TRPM7: variants seen among roughly 807,000 people sequenced by gnomAD.
TRPM7 encodes transient receptor potential cation channel subfamily M member 7, also known as LTRPC ion channel family member 7.
Under a neutral mutation model 229.7 loss-of-function variants are expected in TRPM7, and 134 were observed. The observed-to-expected ratio is 0.58, with a 90% CI of 0.51 to 0.67. The LOEUF (loss-of-function observed/expected upper bound fraction) is 0.67. Among genes scored for constraint, TRPM7 ranks in the 30% least tolerant of loss-of-function variants. The pLI is 0.00. For synonymous variants in TRPM7, 699 were observed against 715.2 expected (o/e 0.98, Z 0.36); for missense variants, 1,901 against 2,210.0 (o/e 0.86, Z 2.80).
chr15:50,631,153 C>G (rs564734215), intron 10 of TRPM7, among the ~76,000 whole-genome samples: 1 of 152,130 alleles, frequency 6.6e-6, no homozygotes, highest in Admixed American at 6.6e-5. Context: ...CTTAATAGGA[C>G]TATTAAATAG....
intron 13 of TRPM7, among the ~76,000 whole-genome samples, chr15:50,619,402 C>T (rs947679358): frequency 2.0e-5 from 3 of 151,618 alleles, no homozygotes; most frequent in East Asian, 1.9e-4. Flanking sequence ...TTTAACTTTT[C>T]GTAGCGATGG....
intron 28 of TRPM7, 105 bp downstream of exon 28, chr15:50,586,287 T>C (rs921329966): frequency 3.1e-6 from 2 of 653,656 alleles, no homozygotes; most frequent in Non-Finnish European, 5.1e-6. Flanking sequence ...TTTCGTCTTC[T>C]GACTCCTGCA....
intron 1 of TRPM7, among the ~76,000 whole-genome samples, chr15:50,673,298 G>A (rs768361902): frequency 6.6e-6 from 1 of 151,990 alleles, no homozygotes; most frequent in Non-Finnish European, 1.5e-5. Context: ...TAGGTTATTG[G>A]AAACAGGTAG....
chr15:50,570,247 T>C (rs2053810566), intron 36 of TRPM7, 92 bp from the exon 37 acceptor site: 8 of 884,092 alleles, frequency 9.0e-6, no homozygotes, highest in Middle Eastern at 3.4e-4. Context: ...TCTTAAGAGA[T>C]GTTATAGTAT....
At chr15:50,564,874 G>C (rs2053523921) in intron 38 of TRPM7, among the ~76,000 whole-genome samples, 1 of 152,032 alleles carries the variant, frequency 6.6e-6, no homozygotes, top group Non-Finnish European at 1.5e-5. Flanking sequence ...ACTGTACAAA[G>C]AACAGTGGAG....
intron 4 of TRPM7, among the ~76,000 whole-genome samples, chr15:50,646,321 G>A (rs2061263603): frequency 6.6e-6 from 1 of 152,226 alleles, no homozygotes; most frequent in Non-Finnish European, 1.5e-5. Context: ...TGGCTCTGTT[G>A]CCCAGGCTAG....
intron 16 of TRPM7, among the ~76,000 whole-genome samples, chr15:50,611,674 T>C (rs2060066227): frequency 6.6e-6 from 1 of 152,144 alleles, no homozygotes; most frequent in Non-Finnish European, 1.5e-5. Context: ...TGGTACCTGG[T>C]AGAGAGGAAA....
intron 33 of TRPM7, 58 bp downstream of exon 33, chr15:50,575,666 C>T: frequency 6.9e-7 from 1 of 1,445,364 alleles, no homozygotes; most frequent in Admixed American, 1.9e-5. Context: ...TATATTATAG[C>T]TAAAAATCAT....
rs749816090 is a variant in TRPM7 at position 50,613,854 on chromosome 15, T to C, written c.1636-13A>G. 1.9e-6 allele frequency: 3 copies of C among 1,603,080 alleles called. No individual in the cohort carries two copies. Among genetic ancestry groups the C allele is most frequent in the Non-Finnish European group, 2.5e-6 (3 of 1,177,488 alleles). ...TTCGGCCAGACCTCTGAAAATGAGATCTTATTAGCTTTTATAGATTTAAAC... is the reference window on the plus strand; with the variant it reads ...TTCGGCCAGACCTCTGAAAATGAGACCTTATTAGCTTTTATAGATTTAAAC... On this transcript the variant is annotated splice_polypyrimidine_tract_variant and intron_variant, in intron 14 of 38. Coordinates refer to ENST00000646667, the MANE Select transcript of TRPM7 (RefSeq NM_017672.6).
chr15:50,599,350 A>G, intron 21 of TRPM7, 54 bp from the exon 22 acceptor site: 1 of 1,335,886 alleles, frequency 7.5e-7, no homozygotes, highest in Non-Finnish European at 1.0e-6. Flanking sequence ...ACTATGACAA[A>G]TCTTTCTAAA....
At chr15:50,636,605 G>A (rs980903148) in intron 7 of TRPM7, among the ~76,000 whole-genome samples, 1 of 151,922 alleles carries the variant, frequency 6.6e-6, no homozygotes, top group African/African-American at 2.4e-5. Context: ...GGGTCCTTAG[G>A]TTACAAATTT....
intron 11 of TRPM7, among the ~76,000 whole-genome samples, chr15:50,627,583 C>A (rs1176171373): frequency 2.6e-5 from 4 of 152,156 alleles, no homozygotes; most frequent in African/African-American, 9.7e-5. Context: ...GAATGTGATT[C>A]ATCTCCTGTC....
At position 50,631,412 on chromosome 15, in the gene TRPM7, C is replaced by T; in HGVS notation, c.1204+5G>A. ...TTACAAATAAAAAAGTTCTTAGAGG[C>T]TTACCTTTTAGCAGTGCAGTAAGTA... On this transcript the variant is annotated splice_donor_5th_base_variant and intron_variant, in intron 10 of 38. Transcript: ENST00000646667. 6.3e-7 allele frequency: 1 copy of T among 1,596,606 alleles called. No homozygotes were observed. The highest frequency in any genetic ancestry group is 1.3e-5 in the African/African-American group (1 of 74,436).
chr15:50,609,779 T>A (rs780506498), intron 18 of TRPM7, 27 bp downstream of exon 18: 10 of 1,600,190 alleles, frequency 6.2e-6, no homozygotes, highest in Non-Finnish European at 8.5e-6. Context: ...CAAACTTATA[T>A]TTACTTTAAA....
In TRPM7 at chr15:50,639,194, T is replaced by G. The variant is rs151138031; in HGVS notation, c.660+230A>C. Among the ~76,000 whole-genome samples, 13 of 152,282 alleles carry G rather than the reference T, an allele frequency of 8.5e-5. No homozygotes were observed. The East Asian group carries it at 2.5e-3, about 29-fold the overall frequency. On this transcript the variant is annotated intron_variant, in intron 6 of 38. Coordinates refer to ENST00000646667, the MANE Select transcript of TRPM7 (RefSeq NM_017672.6). Reference sequence around the variant, plus strand: ...TACACATAAAAGACTGAAAGCAAAATGTGCCAACACTGTAACAGCATTTAT... The same window carrying G: ...TACACATAAAAGACTGAAAGCAAAAGGTGCCAACACTGTAACAGCATTTAT...
chr15:50,654,864 G>A (rs2061515520), intron 3 of TRPM7, among the ~76,000 whole-genome samples: 2 of 149,932 alleles, frequency 1.3e-5, no homozygotes, highest in Admixed American at 6.6e-5. Flanking sequence ...ACCCGGGTGT[G>A]GCAGCAGGCA....
At chr15:50,682,467 A>T (rs2140988726) in intron 1 of TRPM7, among the ~76,000 whole-genome samples, 1 of 151,788 alleles carries the variant, frequency 6.6e-6, no homozygotes, top group African/African-American at 2.4e-5. Context: ...AATCCCAGCT[A>T]CTAGAGGCTG....
At chr15:50,619,849 T>A (rs748275568) in intron 12 of TRPM7, 51 bp from the exon 13 acceptor site, 1 of 1,480,046 alleles carries the variant, frequency 6.8e-7, no homozygotes, top group Non-Finnish European at 9.3e-7. Flanking sequence ...CTAAACTAAT[T>A]TAAACCTTAC....
rs745945092 is a variant in TRPM7 at position 50,686,759 on chromosome 15, G to A, written c.-226C>T. On this transcript the variant is annotated 5_prime_UTR_variant, in exon 1 of 39. Transcript: ENST00000646667. Reference sequence around the variant, plus strand: ...CCTCCGGGTGACTGGCCACAGGGACGCGCCCGCGCCCGCCTCCGCCGGCGA... The same window carrying A: ...CCTCCGGGTGACTGGCCACAGGGACACGCCCGCGCCCGCCTCCGCCGGCGA... The A allele has an allele frequency of 7.3e-5, 36 of 495,854 alleles. No individual in the cohort carries two copies. The highest frequency in any genetic ancestry group is 2.2e-4 in the African/African-American group (11 of 48,938). The allele number at this position is 495,854 out of a possible 1,614,324, so 30.7% of individuals were successfully genotyped here.
Sources: allele counts gnomAD v4.1 joint callset (sites outside exome capture counted in the v4.1 genomes callset), GRCh38; gene constraint gnomAD v4.1.1; transcripts MANE v1.5; gene names NCBI Gene and HGNC (gene_info 2026-07-23, HGNC 2026-07-21).